Variants in TMIE observed in about 807,000 individuals in gnomAD.
TMIE encodes transmembrane inner ear expressed protein.
TMIE carries 14 observed loss-of-function variants against 16.8 expected under a neutral mutation model. The ratio of observed to expected loss-of-function variants is 0.83; its 90% CI spans 0.55 to 1.30. The LOEUF (loss-of-function observed/expected upper bound fraction) is 1.30, where lower values mean the gene tolerates loss of function less well. Ranked by LOEUF, TMIE falls within the 50% of genes most tolerant of loss-of-function variation. The pLI is 0.00. For synonymous variants in TMIE, 75 were observed against 87.2 expected (o/e 0.86, Z 0.78); for missense variants, 204 against 205.9 (o/e 0.99, Z 0.06).
upstream of TMIE, among the ~76,000 whole-genome samples, chr3:46,698,774 T>C (rs1427179890): frequency 1.3e-5 from 2 of 152,234 alleles, no homozygotes; most frequent in Non-Finnish European, 2.9e-5. Flanking sequence ...GTTTAAATTC[T>C]CTTATGCTAC....
At chr3:46,697,879 T>C (rs1006479557), upstream of TMIE, among the ~76,000 whole-genome samples, 1 of 152,092 alleles carries the variant, frequency 6.6e-6, no homozygotes, top group African/African-American at 2.4e-5. Context: ...ATGATTGTTG[T>C]TGTGTTGGTG....
intron 1 of TMIE, among the ~76,000 whole-genome samples, chr3:46,695,613 T>C (rs1700401541): frequency 6.6e-6 from 1 of 152,176 alleles, no homozygotes; most frequent in African/African-American, 2.4e-5. Context: ...GCCTCACCAC[T>C]TGTGACGAAC....
At chr3:46,695,292 CG>C (rs1455966794) in intron 1 of TMIE, among the ~76,000 whole-genome samples, 6 of 152,224 alleles carry the variant, frequency 3.9e-5, no homozygotes, top group African/African-American at 1.4e-4. Flanking sequence ...TGGGAGGTAG[CG>C]GTACATTCTG....
intron 2 of TMIE, among the ~76,000 whole-genome samples, chr3:46,706,257 AC>A (rs1485355163): frequency 6.6e-6 from 1 of 152,028 alleles, no homozygotes; most frequent in Non-Finnish European, 1.5e-5. Flanking sequence ...AAAGGCCCAC[AC>A]CCAGGGGCCC....
chr3:46,706,685 G>A (rs904050842), intron 2 of TMIE, among the ~76,000 whole-genome samples: 2 of 152,190 alleles, frequency 1.3e-5, no homozygotes, highest in Admixed American at 6.5e-5. Context: ...GAGGAGGAGG[G>A]TCCTCTGAGC....
intron 1 of TMIE, among the ~76,000 whole-genome samples, chr3:46,704,572 C>CGCCCAGGGCAGGACCATGTCCCCTAGAT (rs1559496060): frequency 1.4e-5 from 2 of 144,196 alleles, no homozygotes; most frequent in African/African-American, 5.3e-5. Flanking sequence ...GTCCCCTAGA[C>CGCCCAGGGCAGGACCATGTCCCCTAGAT]GCCCAGGGCA....
rs1367840958 is a variant in TMIE at position 46,701,770 on chromosome 3, A to G, written c.93+190A>G. 6.6e-6 allele frequency among the ~76,000 whole-genome samples: 1 copy of G among 152,066 alleles called. No homozygotes were observed. The highest frequency in any genetic ancestry group is 1.5e-5 in the Non-Finnish European group (1 of 67,980). ...GTGAGAGAGACTCAGCCCCACTCTT[A>G]GGGTCCCTGGTCTGATGGAAGGGCA... On this transcript the variant is annotated intron_variant, in intron 1 of 3. Coordinates refer to ENST00000643606, the MANE Select transcript of TMIE (RefSeq NM_147196.3). The surrounding 1 kb of genome is among the most constrained non-coding windows in gnomAD (Gnocchi z 4.3).
upstream of TMIE, chr3:46,701,340 C>A (rs1700472507): frequency 1.7e-6 from 1 of 586,800 alleles, no homozygotes; most frequent in South Asian, 2.6e-5. The surrounding 1 kb of genome is among the most constrained non-coding windows in gnomAD (Gnocchi z 4.3). Context: ...GCGGGCGGCG[C>A]GGGAACCTGA....
At chr3:46,699,937 GC>G (rs1333838909), upstream of TMIE, among the ~76,000 whole-genome samples, 12 of 152,310 alleles carry the variant, frequency 7.9e-5, no homozygotes, top group Admixed American at 1.3e-4. Flanking sequence ...GTAATGCTTT[GC>G]TCAGTGCATT....
At chr3:46,699,562 G>A (rs544599964), upstream of TMIE, among the ~76,000 whole-genome samples, 9 of 152,270 alleles carry the variant, frequency 5.9e-5, no homozygotes, top group East Asian at 1.2e-3. Flanking sequence ...AAAGTTCTGG[G>A]TACAAAAGTA....
At chr3:46,705,477 C>T (rs1481682804) in intron 1 of TMIE, among the ~76,000 whole-genome samples, 1 of 152,208 alleles carries the variant, frequency 6.6e-6, no homozygotes, top group African/African-American at 2.4e-5. Context: ...GAGCCCAGGA[C>T]TGGAGTAGGA....
At chr3:46,699,974 C>T (rs1386019181), upstream of TMIE, among the ~76,000 whole-genome samples, 3 of 152,218 alleles carry the variant, frequency 2.0e-5, no homozygotes, top group Non-Finnish European at 4.4e-5. Context: ...TAGTCCTCAC[C>T]CTGTCCAGCC....
chr3:46,705,931 T>C, intron 2 of TMIE, 24 bp downstream of exon 2: 1 of 1,604,810 alleles, frequency 6.2e-7, no homozygotes, highest in Non-Finnish European at 8.5e-7. Context: ...CCCTTCCCTC[T>C]CCACCACACT....
At chr3:46,695,537 GC>G (rs1700398167) in intron 1 of TMIE, among the ~76,000 whole-genome samples, 2 of 152,196 alleles carry the variant, frequency 1.3e-5, no homozygotes, top group Non-Finnish European at 2.9e-5. Flanking sequence ...GGGCCACCAG[GC>G]ATCCCTGGGG....
intron 1 of TMIE, among the ~76,000 whole-genome samples, chr3:46,705,109 C>T (rs1029940835): frequency 2.2e-4 from 34 of 152,206 alleles, no homozygotes; most frequent in African/African-American, 8.2e-4. Flanking sequence ...AGGGCAGGGT[C>T]ATGTCCACCT....
chr3:46,700,565 G>C (rs187391625), upstream of TMIE, among the ~76,000 whole-genome samples: 288 of 152,238 alleles, frequency 1.9e-3, 1 homozygote, highest in African/African-American at 6.5e-3. Context: ...AAGGAGGGAA[G>C]GGGAGTCTAC....
chr3:46,699,060 ATTTTTTTTTTTTT>A (rs397951323), upstream of TMIE, among the ~76,000 whole-genome samples: 3 of 84,854 alleles, frequency 3.5e-5, no homozygotes, highest in Admixed American at 4.9e-4. Flanking sequence ...GGTGTTTCTT[ATTTTTTTTTTTTT>A]TTTTTTTTTT....
rs753205776 is a variant in TMIE, at chr3:46,709,560, T to G, written c.362-19T>G. On this transcript the variant is annotated intron_variant, in intron 3 of 3. Transcript: ENST00000643606. ...CTTGTCTCACCACTATCACATGGTC[T>G]CTTCCCCCTGCCCCACAGAGGATAA... The G allele has an allele frequency of 6.2e-7, 1 of 1,608,726 alleles. No homozygotes were observed. Among genetic ancestry groups the G allele is most frequent in the Non-Finnish European group, 8.5e-7 (1 of 1,179,166 alleles).
chr3:46,702,048 C>A (rs1201108569), intron 1 of TMIE, among the ~76,000 whole-genome samples: 1 of 152,128 alleles, frequency 6.6e-6, no homozygotes, highest in Non-Finnish European at 1.5e-5. Flanking sequence ...GTTCCAGGGA[C>A]CCCTGTCTAA....
Sources: allele counts gnomAD v4.1 joint callset (sites outside exome capture counted in the v4.1 genomes callset), GRCh38; gene constraint gnomAD v4.1.1; non-coding constraint Gnocchi (gnomAD v3.1); transcripts MANE v1.5; gene names NCBI Gene and HGNC (gene_info 2026-07-23, HGNC 2026-07-21).